The following AMN variants were observed in gnomAD, a reference collection of about 807,000 sequenced individuals.
AMN encodes the protein protein amnionless.
In AMN, 40 loss-of-function variants were observed where a neutral mutation model predicts 49.1. The ratio of observed to expected loss-of-function variants is 0.81; its 90% CI spans 0.63 to 1.06. AMN has a LOEUF of 1.06. AMN is among the 50% of genes least tolerant of loss of function. The pLI is 0.00. For missense variants in AMN, 701 were observed against 662.8 expected (o/e 1.06, Z -0.63); for synonymous variants, 380 against 313.3 (o/e 1.21, Z -2.25).
chr14:102,929,379 G>T, intron 6 of AMN, 49 bp from the exon 7 acceptor site: 1 of 1,517,524 alleles, frequency 6.6e-7, no homozygotes, highest in Non-Finnish European at 8.8e-7. Flanking sequence ...CGCCCTTCTC[G>T]CTGCGGTCCG....
At position 102,930,316 on chromosome 14, in the gene AMN, G is replaced by T. The variant is rs1364215901; in HGVS notation, c.1158G>T (p.Ala386=). 15 of 1,379,378 alleles carry T rather than the reference G, an allele frequency of 1.1e-5. No individual in the cohort carries two copies. In the Admixed American group the frequency reaches 2.2e-4, roughly 20 times the overall value. 85.4% of individuals were successfully genotyped at this position (1,379,378 alleles called of 1,614,324 possible). A position where few individuals can be genotyped will look rare whatever the true frequency, so the allele number is the denominator to read the frequency against. ...TGGCGCCGCCGCTGCTGCGCCGCGC[G>T]GGGAGGCTCAGGTACGCGGGGCGGG... ...LLVAPPLLRR[A]GRLRWRRHEA... The change falls in exon 10 of 12, where the codon GCG becomes GCT. Residue 386 remains alanine, a synonymous_variant. Coordinates refer to ENST00000299155, the MANE Select transcript of AMN (RefSeq NM_030943.4).
chr14:102,922,902 C>G (rs1439172940), intron 1 of AMN, 171 bp downstream of exon 1: 1 of 977,044 alleles, frequency 1.0e-6, no homozygotes, highest in East Asian at 2.8e-5. Flanking sequence ...GGCGAGTGCG[C>G]AGCCCGGAAG....
Position 102,923,710 on chromosome 14 carries a change from G to A in AMN, c.44-1G>A, listed in dbSNP as rs1039454314. The A allele has an allele frequency of 4.3e-6, 7 of 1,612,138 alleles. No individual in the cohort carries two copies. The highest frequency in any genetic ancestry group is 5.9e-6 in the Non-Finnish European group (7 of 1,179,302). On this transcript the variant is annotated splice_acceptor_variant, in intron 1 of 11. Coordinates refer to ENST00000299155, the MANE Select transcript of AMN (RefSeq NM_030943.4). LOFTEE classifies it high-confidence loss of function. Reference sequence around the variant, plus strand: ...CGGGCACTCAGTCGCCTCCTCCCCAGCACTGACCCAGGCGGTCTCCAAACT... The same window carrying A: ...CGGGCACTCAGTCGCCTCCTCCCCAACACTGACCCAGGCGGTCTCCAAACT...
In AMN at chr14:102,930,646, A is replaced by AC; in HGVS notation, c.1331dup (p.Leu445SerfsTer?). The AC allele has an allele frequency of 6.3e-7, 1 of 1,593,686 alleles. No homozygotes were observed. The highest frequency in any genetic ancestry group is 1.1e-5 in the South Asian group (1 of 88,690). On this transcript the variant is annotated frameshift_variant, in exon 12 of 12. Coordinates refer to ENST00000299155, the MANE Select transcript of AMN (RefSeq NM_030943.4). LOFTEE classifies it high-confidence loss of function. ...AGCACCAGCCACAGTTACTTCGTCA[A>AC]CCCTCTGTTCGCCGGGGCCGAGGCC... is the stretch of plus-strand genomic sequence containing the variant.
At position 102,930,422 on chromosome 14, in the gene AMN, G is replaced by GC; in HGVS notation, c.1187dup (p.Ala397GlyfsTer?). ...CGCCCTCAGGTGGAGGAGGCACGAGGCGGCGGCCCCGGCTGGAGCGCCCCT... is the reference window on the plus strand; with the variant it reads ...CGCCCTCAGGTGGAGGAGGCACGAGGCCGGCGGCCCCGGCTGGAGCGCCCCT... On this transcript the variant is annotated frameshift_variant, in exon 11 of 12. Coordinates refer to ENST00000299155, the MANE Select transcript of AMN (RefSeq NM_030943.4). LOFTEE classifies it high-confidence loss of function. The GC allele has an allele frequency of 4.6e-6, 7 of 1,520,766 alleles. No individual in the cohort carries two copies. The highest frequency in any genetic ancestry group is 6.1e-6 in the Non-Finnish European group (7 of 1,140,114). The allele number at this position is 1,520,766 out of a possible 1,614,324, so 94.2% of individuals were successfully genotyped here.
intron 3 of AMN, among the ~76,000 whole-genome samples, chr14:102,927,952 GC>G (rs1891224172): frequency 6.6e-6 from 1 of 152,206 alleles, no homozygotes; most frequent in African/African-American, 2.4e-5. Context: ...GCCAGATGCA[GC>G]CTCTCCCTCC....
chr14:102,929,923 G>C lies in AMN; in HGVS notation c.844-1G>C, dbSNP rs969552874. The C allele has an allele frequency of 1.3e-6, 2 of 1,556,368 alleles. No individual in the cohort carries two copies. Among genetic ancestry groups the C allele is most frequent in the African/African-American group, 2.7e-5 (2 of 73,200 alleles). On this transcript the variant is annotated splice_acceptor_variant, in intron 8 of 11. Coordinates refer to ENST00000299155, the MANE Select transcript of AMN (RefSeq NM_030943.4). LOFTEE classifies it high-confidence loss of function. ...CAAACCAACCCCGTCCCCCTCCCCAGCCTCAGTACCACGGGCTGCAGGTGG... is the reference window on the plus strand; with the variant it reads ...CAAACCAACCCCGTCCCCCTCCCCACCCTCAGTACCACGGGCTGCAGGTGG...
intron 8 of AMN, 81 bp from the exon 9 acceptor site, chr14:102,929,843 T>TG (rs1169089402): frequency 6.5e-6 from 10 of 1,545,076 alleles, no homozygotes; most frequent in Non-Finnish European, 8.7e-6. Context: ...ACTTGCCCAC[T>TG]ATCTGCCTCT....
intron 3 of AMN, among the ~76,000 whole-genome samples, chr14:102,924,435 C>T (rs1418746968): frequency 2.0e-5 from 3 of 152,220 alleles, no homozygotes; most frequent in Non-Finnish European, 2.9e-5. Flanking sequence ...CTGGCTCTGC[C>T]TCCCTTCAGA....
At chr14:102,923,562 C>T (rs1043677487) in intron 1 of AMN, 149 bp from the exon 2 acceptor site, 36 of 764,946 alleles carry the variant, frequency 4.7e-5, no homozygotes, top group Non-Finnish European at 7.3e-5. Context: ...CGGGAGGGAC[C>T]AGGGTCTGGG....
chr14:102,924,352 C>T (rs1046614849), intron 3 of AMN, among the ~76,000 whole-genome samples: 2 of 151,906 alleles, frequency 1.3e-5, no homozygotes, highest in Non-Finnish European at 2.9e-5. Flanking sequence ...CCAACACCCC[C>T]CCCTCTACCC....
At chr14:102,929,001 G>T (rs757258321) in intron 5 of AMN, 26 bp downstream of exon 5, 4 of 1,595,826 alleles carry the variant, frequency 2.5e-6, no homozygotes, top group African/African-American at 2.7e-5. Flanking sequence ...AGGGAGGCTC[G>T]GGTCCCCTCT....
chr14:102,929,838 C>T (rs1014976990), intron 8 of AMN, 86 bp from the exon 9 acceptor site: 3 of 1,543,248 alleles, frequency 1.9e-6, no homozygotes, highest in Non-Finnish European at 2.6e-6. Flanking sequence ...TGCTCACTTG[C>T]CCACTATCTG....
intron 2 of AMN, 34 bp downstream of exon 2, chr14:102,923,863 C>T (rs1463001645): frequency 1.9e-6 from 3 of 1,612,634 alleles, no homozygotes; most frequent in Non-Finnish European, 2.5e-6. Context: ...CGGTGATGGG[C>T]CTGGACCCCT....
chr14:102,925,853 G>A (rs745351694), intron 3 of AMN, among the ~76,000 whole-genome samples: 7 of 152,056 alleles, frequency 4.6e-5, no homozygotes, highest in Admixed American at 6.5e-5. Flanking sequence ...TCCCCTGCCC[G>A]CGTCGGCTAT....
intron 3 of AMN, 150 bp from the exon 4 acceptor site, chr14:102,928,276 C>T: frequency 1.5e-6 from 1 of 672,632 alleles, no homozygotes; most frequent in Non-Finnish European, 2.5e-6. Context: ...CTGCCAGCCT[C>T]AGCCAGGCCG....
chr14:102,926,425 C>T (rs1022261373), intron 3 of AMN, among the ~76,000 whole-genome samples: 12 of 151,768 alleles, frequency 7.9e-5, no homozygotes, highest in Admixed American at 3.9e-4. Context: ...GCCGCTTTGC[C>T]GACCCTACAC....
chr14:102,925,669 C>T (rs1017360802), intron 3 of AMN, among the ~76,000 whole-genome samples: 3 of 152,240 alleles, frequency 2.0e-5, no homozygotes, highest in Admixed American at 6.5e-5. Flanking sequence ...TCATGATCTC[C>T]TTTGGAAGCA....
intron 1 of AMN, chr14:102,923,151 T>C: frequency 4.3e-6 from 1 of 231,392 alleles, no homozygotes; most frequent in South Asian, 6.1e-5. Flanking sequence ...GGCCGGCGCG[T>C]GTCCCTGGCG....
Sources: allele counts gnomAD v4.1 joint callset (sites outside exome capture counted in the v4.1 genomes callset), GRCh38; gene constraint gnomAD v4.1.1; transcripts MANE v1.5; gene names NCBI Gene and HGNC (gene_info 2026-07-23, HGNC 2026-07-21).